The following ADGRL3 variants were observed in gnomAD, a reference collection of about 807,000 sequenced individuals.
The protein encoded by ADGRL3 is adhesion G protein-coupled receptor L3.
ADGRL3 carries 62 observed loss-of-function variants against 153.5 expected under a neutral mutation model. The ratio of observed to expected loss-of-function variants is 0.40; its 90% CI spans 0.33 to 0.50. The LOEUF is 0.50. Among genes scored for constraint, ADGRL3 ranks in the 20% least tolerant of loss-of-function variants. The pLI is 0.47. For missense variants in ADGRL3, 1,641 were observed against 1,859.4 expected (o/e 0.88, Z 2.16); for synonymous variants, 710 against 672.5 (o/e 1.06, Z -0.86).
At chr4:61,489,565 G>C (rs1352452014) in intron 2 of ADGRL3, among the ~76,000 whole-genome samples, 1 of 151,924 alleles carries the variant, frequency 6.6e-6, no homozygotes, top group Non-Finnish European at 1.5e-5. Flanking sequence ...TAATTATCTG[G>C]AATCAATATT....
At chr4:61,437,394 G>C (rs1161083405) in intron 2 of ADGRL3, among the ~76,000 whole-genome samples, 1 of 152,130 alleles carries the variant, frequency 6.6e-6, no homozygotes, top group East Asian at 1.9e-4. Context: ...CAGTGAAGGA[G>C]ACACTTTGCA....
intron 4 of ADGRL3, among the ~76,000 whole-genome samples, chr4:61,586,555 G>A (rs1481471938): frequency 3.3e-5 from 5 of 151,904 alleles, no homozygotes; most frequent in South Asian, 2.1e-4. Context: ...AAAGAGGAGC[G>A]GGAGAACACA....
intron 11 of ADGRL3, among the ~76,000 whole-genome samples, chr4:61,901,030 A>G (rs1581378176): frequency 6.6e-6 from 1 of 152,150 alleles, no homozygotes; most frequent in East Asian, 1.9e-4. Flanking sequence ...TAAAGAATGC[A>G]TTGTGGTTTA....
chr4:61,366,922 A>C (rs757850638), intron 1 of ADGRL3, among the ~76,000 whole-genome samples: 14 of 152,266 alleles, frequency 9.2e-5, no homozygotes, highest in Admixed American at 1.3e-4. Flanking sequence ...TATTTAACTC[A>C]GTTTTGTAGC....
chr4:61,462,296 GT>G lies in ADGRL3; in HGVS notation c.-173-34824del, dbSNP rs754649368. ...GAAATCTACATTAAGATCAAATCTT[GT>G]CTTTTATTAAAATACATATGCTCTT... On this transcript the variant is annotated intron_variant, in intron 2 of 26. Transcript: ENST00000683033. 3.9e-5 allele frequency among the ~76,000 whole-genome samples: 6 copies of G among 152,246 alleles called. No individual in the cohort carries two copies. The East Asian group carries it at 9.7e-4, about 25-fold the overall frequency.
chr4:61,292,941 C>T (rs1016430760), intron 1 of ADGRL3, among the ~76,000 whole-genome samples: 2 of 152,062 alleles, frequency 1.3e-5, no homozygotes, highest in Admixed American at 6.6e-5. Context: ...TTCCTAAGAT[C>T]GCCTGTCCAA....
rs74636182 is a variant in ADGRL3, at chr4:61,597,282, A to G, written c.473+9842A>G. The stretch of plus-strand genomic sequence containing the variant: ...AAAGAAGAAAATATACTTCAAAAGT[A>G]ATAAAAAGACAAGAAGGAGAGATAG... On this transcript the variant is annotated intron_variant, in intron 5 of 26. Coordinates refer to ENST00000683033, the MANE Select transcript of ADGRL3 (RefSeq NM_001387552.1). Among the ~76,000 whole-genome samples the G allele has an allele frequency of 7.7e-3, 1,175 of 152,290 alleles. 19 individuals carry two copies. Among genetic ancestry groups the G allele is most frequent in the African/African-American group, 0.027 (1,138 of 41,568 alleles).
At chr4:61,809,058 A>G (rs905391783) in intron 8 of ADGRL3, among the ~76,000 whole-genome samples, 3 of 152,156 alleles carry the variant, frequency 2.0e-5, no homozygotes, top group Non-Finnish European at 4.4e-5. Context: ...TCTCTAGAGT[A>G]AAATAATCAT....
intron 9 of ADGRL3, among the ~76,000 whole-genome samples, chr4:61,874,165 T>G (rs979445129): frequency 6.6e-6 from 1 of 152,174 alleles, no homozygotes; most frequent in Non-Finnish European, 1.5e-5. Context: ...CTAGTGCTAC[T>G]CTGGATGAAG....
intron 5 of ADGRL3, among the ~76,000 whole-genome samples, chr4:61,622,012 G>T (rs971188260): frequency 1.3e-5 from 2 of 152,120 alleles, no homozygotes; most frequent in African/African-American, 4.8e-5. Flanking sequence ...GAGCCTGCCT[G>T]CATGTCGGTA....
At chr4:61,782,777 G>C (rs1580803613) in intron 8 of ADGRL3, among the ~76,000 whole-genome samples, 1 of 152,108 alleles carries the variant, frequency 6.6e-6, no homozygotes, top group Non-Finnish European at 1.5e-5. Flanking sequence ...CAGTAAAGCA[G>C]TCAGACAGCT....
intron 5 of ADGRL3, among the ~76,000 whole-genome samples, chr4:61,601,075 C>A (rs1017798587): frequency 2.0e-5 from 3 of 152,058 alleles, no homozygotes; most frequent in South Asian, 2.1e-4. Context: ...TGGATAGTAT[C>A]TTTTCCCTAT....
intron 6 of ADGRL3, among the ~76,000 whole-genome samples, chr4:61,729,802 C>T (rs1001422503): frequency 1.3e-5 from 2 of 151,856 alleles, no homozygotes; most frequent in African/African-American, 4.8e-5. Context: ...TTGGTCAGTA[C>T]CTTAAAAATA....
At chr4:61,852,616 A>G (rs898505993) in intron 9 of ADGRL3, among the ~76,000 whole-genome samples, 6 of 152,092 alleles carry the variant, frequency 3.9e-5, no homozygotes, top group South Asian at 2.1e-4. Flanking sequence ...CTCCTGGCCT[A>G]TTTAATTATT....
chr4:61,891,657 T>C (rs2098587351), intron 9 of ADGRL3, among the ~76,000 whole-genome samples: 1 of 152,138 alleles, frequency 6.6e-6, no homozygotes, highest in Admixed American at 6.5e-5. Context: ...GAGACTCATA[T>C]CAGAATGCCC....
chr4:61,462,641 G>T (rs191018806), intron 2 of ADGRL3, among the ~76,000 whole-genome samples: 1 of 152,124 alleles, frequency 6.6e-6, no homozygotes, highest in East Asian at 1.9e-4. Flanking sequence ...AACAGAGGTC[G>T]TAATAGAGCT....
At chr4:61,413,872 C>T (rs1365211363) in intron 2 of ADGRL3, among the ~76,000 whole-genome samples, 1 of 152,210 alleles carries the variant, frequency 6.6e-6, no homozygotes, top group Non-Finnish European at 1.5e-5. Context: ...TTTTCTCCAT[C>T]CTTCAGCATC....
chr4:61,875,106 C>A (rs1394223159), intron 9 of ADGRL3, among the ~76,000 whole-genome samples: 3 of 151,772 alleles, frequency 2.0e-5, no homozygotes, highest in African/African-American at 7.3e-5. Context: ...CCGCGCCCGG[C>A]CCAAAATGCT....
At chr4:61,794,921 A>G (rs1330736413) in intron 8 of ADGRL3, among the ~76,000 whole-genome samples, 1 of 152,198 alleles carries the variant, frequency 6.6e-6, no homozygotes, top group Admixed American at 6.5e-5. Flanking sequence ...TTGCTTTCAC[A>G]ATTACTTCTA....
Sources: allele counts gnomAD v4.1 joint callset (sites outside exome capture counted in the v4.1 genomes callset), GRCh38; gene constraint gnomAD v4.1.1; transcripts MANE v1.5; gene names NCBI Gene and HGNC (gene_info 2026-07-23, HGNC 2026-07-21).